The following ACKR2 variants were observed in gnomAD, a reference collection of about 807,000 sequenced individuals.
ACKR2 encodes the protein atypical chemokine receptor 2.
For synonymous variants in ACKR2, 207 were observed against 192.2 expected (o/e 1.08, Z -0.64); for missense variants, 457 against 477.3 (o/e 0.96, Z 0.40).
chr3:42,838,435 A>G (rs186380834), intron 2 of ACKR2, among the ~76,000 whole-genome samples: 1 of 152,382 alleles, frequency 6.6e-6, no homozygotes, highest in East Asian at 1.9e-4. Context: ...TCAAGGAAGC[A>G]TATGAAAATA....
chr3:42,824,056 A>G (rs1158061317), intron 2 of ACKR2, among the ~76,000 whole-genome samples: 2 of 152,122 alleles, frequency 1.3e-5, no homozygotes, highest in African/African-American at 2.4e-5. Flanking sequence ...TGAGGTGTAT[A>G]TGAAGCATAA....
At chr3:42,855,748 G>C (rs1575390994) in intron 2 of ACKR2, among the ~76,000 whole-genome samples, 2 of 152,200 alleles carry the variant, frequency 1.3e-5, no homozygotes, top group Non-Finnish European at 2.9e-5. Context: ...AAGATTCCCA[G>C]AGTGAAAGAT....
chr3:42,841,996 T>C (rs1701043723), intron 2 of ACKR2, among the ~76,000 whole-genome samples: 1 of 152,070 alleles, frequency 6.6e-6, no homozygotes, highest in Non-Finnish European at 1.5e-5. Context: ...GATCTCTCTG[T>C]GCCTCAGTTC....
chr3:42,816,804 C>T (rs924561024), intron 1 of ACKR2, among the ~76,000 whole-genome samples: 1 of 151,948 alleles, frequency 6.6e-6, no homozygotes, highest in Non-Finnish European at 1.5e-5. Flanking sequence ...GTGATCTGCC[C>T]ACCTCAGCCT....
At chr3:42,847,029 G>A (rs955591737) in intron 2 of ACKR2, among the ~76,000 whole-genome samples, 9 of 152,192 alleles carry the variant, frequency 5.9e-5, no homozygotes, top group Non-Finnish European at 1.3e-4. Flanking sequence ...GGCAAGTGAC[G>A]GGGTTTCTGA....
At chr3:42,813,681 A>G (rs1700718549) in intron 1 of ACKR2, among the ~76,000 whole-genome samples, 1 of 152,218 alleles carries the variant, frequency 6.6e-6, no homozygotes, top group Non-Finnish European at 1.5e-5. Context: ...TTGGGTGGGG[A>G]CACAAACCAT....
intron 2 of ACKR2, chr3:42,856,106 A>G: frequency 2.4e-6 from 1 of 424,908 alleles, no homozygotes; most frequent in Non-Finnish European, 4.2e-6. Context: ...TGCCCAGAAA[A>G]GGGAGGAGTT....
intron 2 of ACKR2, among the ~76,000 whole-genome samples, chr3:42,845,069 CA>C (rs1701078920): frequency 6.6e-6 from 1 of 152,154 alleles, no homozygotes; most frequent in Non-Finnish European, 1.5e-5. Flanking sequence ...TGGCCCTGTT[CA>C]CCTTGGACTC....
At chr3:42,849,623 T>C (rs1404045212) in intron 2 of ACKR2, among the ~76,000 whole-genome samples, 2 of 152,092 alleles carry the variant, frequency 1.3e-5, no homozygotes, top group Non-Finnish European at 2.9e-5. Flanking sequence ...GAAGAAGACT[T>C]ATGGACAGAA....
intron 2 of ACKR2, among the ~76,000 whole-genome samples, chr3:42,837,262 G>A (rs556802716): frequency 1.3e-5 from 2 of 152,180 alleles, no homozygotes; most frequent in African/African-American, 2.4e-5. Flanking sequence ...TGTCGCCTAG[G>A]CTGGAGTGTA....
In ACKR2 at chr3:42,865,053, A is replaced by G; in HGVS notation, c.551A>G (p.Gln184Arg). 2 of 1,614,136 alleles carry G rather than the reference A, an allele frequency of 1.2e-6. No homozygotes were observed. The highest frequency in any genetic ancestry group is 1.7e-6 in the Non-Finnish European group (2 of 1,180,010). ...TCCATCCCTGATATGGTCTTTGTAC[A>G]GACACATGAAAATCCCAAGGGTGTG... Reference protein sequence around the residue: ...AVSIPDMVFVQTHENPKGVWN... With the variant: ...AVSIPDMVFVRTHENPKGVWN... The change falls in exon 3 of 3, where the codon CAG (glutamine) becomes CGG (arginine). Residue 184 changes from glutamine to arginine, a missense_variant. Gln to Arg is a conservative substitution (Grantham distance 43). Transcript: ENST00000422265.
intron 2 of ACKR2, among the ~76,000 whole-genome samples, chr3:42,859,017 G>A (rs1575392337): frequency 6.6e-6 from 1 of 152,056 alleles, no homozygotes; most frequent in East Asian, 1.9e-4. Flanking sequence ...CAAGAAATAT[G>A]AGACTATGTG....
chr3:42,834,890 A>T (rs1219374641), intron 2 of ACKR2, among the ~76,000 whole-genome samples: 3 of 142,772 alleles, frequency 2.1e-5, no homozygotes, highest in Admixed American at 7.0e-5. Context: ...TTTTTTTTTT[A>T]TTATTATTTT....
Position 42,866,047 on chromosome 3 carries a change from G to A in ACKR2, c.*390G>A, listed in dbSNP as rs574888420. The stretch of plus-strand genomic sequence containing the variant: ...GCTGGAATGCAGTGGCGAGATCTCC[G>A]CTCACTGTAGCCTCCTCCCCCTGGG... On this transcript the variant is annotated 3_prime_UTR_variant, in exon 3 of 3. Coordinates refer to ENST00000422265, the MANE Select transcript of ACKR2 (RefSeq NM_001296.5). 1.2e-3 allele frequency: 221 copies of A among 180,480 alleles called. No individual in the cohort carries two copies. The highest frequency in any genetic ancestry group is 2.1e-3 in the Non-Finnish European group (177 of 86,234). 11.2% of individuals were successfully genotyped at this position (180,480 alleles called of 1,614,324 possible). A position where few individuals can be genotyped will look rare whatever the true frequency, so the allele number is the denominator to read the frequency against.
intron 2 of ACKR2, among the ~76,000 whole-genome samples, chr3:42,829,035 A>C (rs1462584470): frequency 6.6e-6 from 1 of 152,192 alleles, no homozygotes; most frequent in Admixed American, 6.5e-5. Context: ...ACGGAATTAA[A>C]GAGTTAGAAA....
At chr3:42,843,614 C>G (rs1273727671) in intron 2 of ACKR2, among the ~76,000 whole-genome samples, 1 of 152,188 alleles carries the variant, frequency 6.6e-6, no homozygotes, top group South Asian at 2.1e-4. Context: ...GGTCTCCATA[C>G]TCTGTGAGCC....
At chr3:42,846,418 G>A (rs1701097716) in intron 2 of ACKR2, among the ~76,000 whole-genome samples, 1 of 152,196 alleles carries the variant, frequency 6.6e-6, no homozygotes, top group South Asian at 2.1e-4. Flanking sequence ...TCCTGTCCAT[G>A]ACACTTACCC....
At chr3:42,814,461 G>A (rs1386535399) in intron 1 of ACKR2, among the ~76,000 whole-genome samples, 1 of 152,136 alleles carries the variant, frequency 6.6e-6, no homozygotes, top group Admixed American at 6.6e-5. Context: ...ACACATGATC[G>A]TATCTTCCAT....
chr3:42,829,280 G>A (rs1700904545), intron 2 of ACKR2, among the ~76,000 whole-genome samples: 1 of 152,204 alleles, frequency 6.6e-6, no homozygotes, highest in South Asian at 2.1e-4. Context: ...AGGTGTGTCA[G>A]CTTCCAAACA....
Sources: gnomAD v4.1 joint callset for allele counts (sites outside exome capture counted in the v4.1 genomes callset) on GRCh38, gnomAD v4.1.1 for gene constraint, MANE v1.5 for transcripts, NCBI Gene and HGNC (gene_info 2026-07-23, HGNC 2026-07-21) for gene names.